The following CAPG variants were observed in gnomAD, a reference collection of about 807,000 sequenced individuals.
The protein encoded by CAPG is capping actin protein, gelsolin like, also known as macrophage-capping protein.
Under a neutral mutation model 44.6 loss-of-function variants are expected in CAPG, and 32 were observed. The ratio of observed to expected loss-of-function variants is 0.72; its 90% CI spans 0.54 to 0.96. The LOEUF (loss-of-function observed/expected upper bound fraction) is 0.96. Ranked by LOEUF, CAPG falls within the 50% of genes least tolerant of loss-of-function variation. CAPG has a pLI of 0.00. For synonymous variants in CAPG, 175 were observed against 179.6 expected (o/e 0.97, Z 0.20); for missense variants, 412 against 438.3 (o/e 0.94, Z 0.54).
downstream of CAPG, among the ~76,000 whole-genome samples, chr2:85,393,791 T>C (rs1686471633): frequency 6.6e-6 from 1 of 152,228 alleles, no homozygotes; most frequent in African/African-American, 2.4e-5. Flanking sequence ...CTCAAACTCC[T>C]GATCACAAAT....
chr2:85,395,476 AG>A lies in CAPG; in HGVS notation c.981+61del. 5 of 1,396,190 alleles carry A rather than the reference AG, an allele frequency of 3.6e-6. No individual in the cohort carries two copies. Among genetic ancestry groups the A allele is most frequent in the Non-Finnish European group, 4.0e-6 (4 of 994,520 alleles). The allele number at this position is 1,396,190 out of a possible 1,614,324, so 86.5% of individuals were successfully genotyped here. ...TCTCCTGCCCTTCCTGGCCAATTTGAGGGGTCAGGGGCCACAGGAAGAGCCC... is the reference window on the plus strand; with the variant it reads ...TCTCCTGCCCTTCCTGGCCAATTTGAGGGTCAGGGGCCACAGGAAGAGCCC... On this transcript the variant is annotated intron_variant, in intron 9 of 9. Transcript: ENST00000263867. This position sits in a 1 kb window ranked among gnomAD's most constrained non-coding sequence, Gnocchi z 4.3.
At chr2:85,404,661 T>G (rs1461998894) in intron 1 of CAPG, among the ~76,000 whole-genome samples, 1 of 152,042 alleles carries the variant, frequency 6.6e-6, no homozygotes, top group Non-Finnish European at 1.5e-5. Context: ...GGCAGGAGAA[T>G]TGCTTGAACC....
chr2:85,412,234 C>T (rs192740918), upstream of CAPG, among the ~76,000 whole-genome samples: 8 of 152,042 alleles, frequency 5.3e-5, no homozygotes, highest in East Asian at 9.7e-4. Flanking sequence ...TAATATGGGC[C>T]GGGCGCGGTG....
chr2:85,410,885 A>T, upstream of CAPG, among the ~76,000 whole-genome samples: 1 of 145,926 alleles, frequency 6.9e-6, no homozygotes. Flanking sequence ...TTTTCCTGAG[A>T]CAGGGTTCAC....
At chr2:85,415,443 C>A (rs1184620215) in intron 1 of CAPG, among the ~76,000 whole-genome samples, 6 of 152,194 alleles carry the variant, frequency 3.9e-5, no homozygotes, top group Admixed American at 1.3e-4. Context: ...ATGCACAAAT[C>A]ATGTGTACAT....
chr2:85,397,196 TAG>T (rs1389337834), intron 8 of CAPG, among the ~76,000 whole-genome samples: 3 of 152,194 alleles, frequency 2.0e-5, no homozygotes, highest in African/African-American at 7.2e-5. Context: ...CCCAAAGGTC[TAG>T]AGCTGGGCTA....
At chr2:85,405,648 T>C (rs1041224071) in intron 1 of CAPG, among the ~76,000 whole-genome samples, 1 of 152,140 alleles carries the variant, frequency 6.6e-6, no homozygotes, top group African/African-American at 2.4e-5. Flanking sequence ...GGATGTGAAA[T>C]GCTGTGTGAA....
upstream of CAPG, among the ~76,000 whole-genome samples, chr2:85,412,466 T>C (rs1467405686): frequency 6.6e-6 from 1 of 152,084 alleles, no homozygotes; most frequent in Non-Finnish European, 1.5e-5. Flanking sequence ...TGAGCCGAGA[T>C]TGCGCCATTG....
intron 1 of CAPG, chr2:85,409,623 A>G (rs1166583251): frequency 1.3e-5 from 2 of 151,848 alleles, no homozygotes; most frequent in East Asian, 1.9e-4. Context: ...AACCAAACTG[A>G]ATCTCCCAGC....
chr2:85,395,386 A>C lies in CAPG; in HGVS notation c.981+152T>G. Reference sequence around the variant, plus strand: ...AGTATTTTGACATTTTGAAGGATTGAGATGGGCTTTCCCACTGGATGGGTC... The same window carrying C: ...AGTATTTTGACATTTTGAAGGATTGCGATGGGCTTTCCCACTGGATGGGTC... On this transcript the variant is annotated intron_variant, in intron 9 of 9. Transcript: ENST00000263867. This position sits in a 1 kb window ranked among gnomAD's most constrained non-coding sequence, Gnocchi z 4.3. 1 of 646,140 alleles carries C rather than the reference A, an allele frequency of 1.5e-6. No individual in the cohort carries two copies. Among genetic ancestry groups the C allele is most frequent in the Non-Finnish European group, 2.8e-6 (1 of 357,570 alleles). The allele number at this position is 646,140 out of a possible 1,614,324, so 40.0% of individuals were successfully genotyped here.
intron 6 of CAPG, 101 bp from the exon 7 acceptor site, chr2:85,398,883 C>T: frequency 1.0e-6 from 1 of 976,294 alleles, no homozygotes; most frequent in Admixed American, 2.6e-5. Context: ...CAAACTGCGC[C>T]CTGCACTAGG....
At chr2:85,394,433 G>A (rs1324431584), downstream of CAPG, among the ~76,000 whole-genome samples, 2 of 152,242 alleles carry the variant, frequency 1.3e-5, no homozygotes, top group Non-Finnish European at 2.9e-5. Flanking sequence ...GCCTGGCAGT[G>A]CTTTATTAGG....
In CAPG at chr2:85,397,475, G is replaced by A. The variant is rs190888495; in HGVS notation, c.892+545C>T. ...TGTAATCCCAGCACTTTGGGAGGCC[G>A]AGGCCGGTGCATCACTTGAGGTCAG... On this transcript the variant is annotated intron_variant, in intron 8 of 9. Transcript: ENST00000263867. Among the ~76,000 whole-genome samples, 116 of 148,218 alleles carry A rather than the reference G, an allele frequency of 7.8e-4. 1 individual carries two copies. Among genetic ancestry groups the A allele is most frequent in the South Asian group, 2.2e-4 (1 of 4,648 alleles).
At chr2:85,416,241 A>G (rs777197497) in intron 1 of CAPG, among the ~76,000 whole-genome samples, 3 of 152,034 alleles carry the variant, frequency 2.0e-5, no homozygotes, top group Non-Finnish European at 4.4e-5. Context: ...GTATGGACTC[A>G]TTTCCAGTGC....
rs528271658 is a variant in CAPG, at chr2:85,398,221, G to A, written c.760-69C>T. On this transcript the variant is annotated intron_variant, in intron 7 of 9. Coordinates refer to ENST00000263867, the MANE Select transcript of CAPG (RefSeq NM_001747.4). ...GCCCTCACCTCAGCCTGAGGAGGGG[G>A]AGGCTGGTCCTCCCTAGGTCCCTCC... 5,244 of 1,565,688 alleles carry A rather than the reference G, an allele frequency of 3.3e-3. 17 individuals carry two copies. Among genetic ancestry groups the A allele is most frequent in the Non-Finnish European group, 4.2e-3 (4,864 of 1,150,088 alleles).
At chr2:85,392,923 A>T (rs1686437959), downstream of CAPG, among the ~76,000 whole-genome samples, 1 of 152,176 alleles carries the variant, frequency 6.6e-6, no homozygotes, top group African/African-American at 2.4e-5. Flanking sequence ...CAGAGTACTC[A>T]CAGCTTCAGA....
chr2:85,395,926 C>T lies in CAPG; in HGVS notation c.893-300G>A, dbSNP rs1002630619. On this transcript the variant is annotated intron_variant, in intron 8 of 9. Coordinates refer to ENST00000263867, the MANE Select transcript of CAPG (RefSeq NM_001747.4). The surrounding 1 kb of genome is among the most constrained non-coding windows in gnomAD (Gnocchi z 4.3). ...TTTCAGGGAGGGGAACAGGTGTTCA[C>T]CCTAGCATCAGACTGTGAGGCCGCA... is the stretch of plus-strand genomic sequence containing the variant. The T allele has an allele frequency of 8.4e-6, 3 of 358,976 alleles. No individual in the cohort carries two copies. Among genetic ancestry groups the T allele is most frequent in the Non-Finnish European group, 1.0e-5 (2 of 193,438 alleles). The allele number at this position is 358,976 out of a possible 1,614,324, so 22.2% of individuals were successfully genotyped here. A position where few individuals can be genotyped will look rare whatever the true frequency, so the allele number is the denominator to read the frequency against.
At chr2:85,398,925 G>A in intron 6 of CAPG, 143 bp from the exon 7 acceptor site, 1 of 819,142 alleles carries the variant, frequency 1.2e-6, no homozygotes, top group Non-Finnish European at 1.9e-6. Flanking sequence ...AGTGAGGGCT[G>A]AGTCCAGCCC....
intron 5 of CAPG, among the ~76,000 whole-genome samples, chr2:85,399,740 C>CTTTTTTT (rs765588444): frequency 3.1e-5 from 4 of 127,588 alleles, no homozygotes; most frequent in African/African-American, 3.0e-5. Context: ...CTTTCTTTTT[C>CTTTTTTT]TTTTTTTTTT....
Sources: gnomAD v4.1 joint callset for allele counts (sites outside exome capture counted in the v4.1 genomes callset) on GRCh38, gnomAD v4.1.1 for gene constraint, Gnocchi (gnomAD v3.1) non-coding constraint, MANE v1.5 for transcripts, NCBI Gene and HGNC (gene_info 2026-07-23, HGNC 2026-07-21) for gene names.